PPP2R2D: variants seen among roughly 807,000 people sequenced by gnomAD.
PPP2R2D encodes the protein serine/threonine-protein phosphatase 2A 55 kDa regulatory subunit B delta isoform.
In PPP2R2D, 9 loss-of-function variants were observed where a neutral mutation model predicts 31.1. The ratio of observed to expected loss-of-function variants is 0.29; its 90% CI spans 0.17 to 0.51. The LOEUF (loss-of-function observed/expected upper bound fraction) is 0.51. Ranked by LOEUF, PPP2R2D falls within the 20% of genes least tolerant of loss-of-function variation. The probability of loss-of-function intolerance (pLI) is 0.98; values close to 1 mark genes in which losing one functional copy is unlikely to be tolerated. For synonymous variants in PPP2R2D, 179 were observed against 172.6 expected, an observed-to-expected ratio of 1.04 and a Z score of -0.29; for missense variants, 391 against 465.6, an observed-to-expected ratio of 0.84 and a Z score of 1.48.
At chr10:131,916,326 T>G (rs1222339813) in intron 2 of PPP2R2D, among the ~76,000 whole-genome samples, 2 of 117,694 alleles carry the variant, frequency 1.7e-5, no homozygotes, top group South Asian at 5.9e-4. Flanking sequence ...TGGCATAGAT[T>G]GGGATTTTTT....
At chr10:131,926,358 G>A (rs2036105561) in intron 2 of PPP2R2D, among the ~76,000 whole-genome samples, 3 of 152,134 alleles carry the variant, frequency 2.0e-5, no homozygotes, top group Admixed American at 6.5e-5. Context: ...GTGTGTGCGT[G>A]TGCATCTGTG....
At chr10:131,920,846 T>C (rs2035972378) in intron 2 of PPP2R2D, among the ~76,000 whole-genome samples, 1 of 152,138 alleles carries the variant, frequency 6.6e-6, no homozygotes, top group African/African-American at 2.4e-5. Context: ...GGAGAATCAC[T>C]TGAACCCGGG....
chr10:131,956,098 A>G lies in PPP2R2D; in HGVS notation c.*135A>G. 1 of 1,267,114 alleles carries G rather than the reference A, an allele frequency of 7.9e-7. No homozygotes were observed. The highest frequency in any genetic ancestry group is 9.9e-7 in the Non-Finnish European group (1 of 1,007,814). The allele number at this position is 1,267,114 out of a possible 1,614,324, so 78.5% of individuals were successfully genotyped here. ...ACTTCCCTTCACAGACACAGGAGAA[A>G]GCCGCCTCCGCTGGAGGCCCGGTGT... On this transcript the variant is annotated 3_prime_UTR_variant, in exon 9 of 9. Transcript: ENST00000455566.
the PPP2R2D span, chr10:131,969,679 G>C: frequency 6.6e-6 from 1 of 152,338 alleles, no homozygotes; most frequent in East Asian, 1.9e-4. Flanking sequence ...GTGGCATTCC[G>C]GTCTTTCCAG....
intron 2 of PPP2R2D, among the ~76,000 whole-genome samples, chr10:131,932,690 G>A (rs892199651): frequency 8.6e-6 from 1 of 116,012 alleles, no homozygotes; most frequent in Non-Finnish European, 2.0e-5. Context: ...AACCTAACTT[G>A]GTGCCTTTAG....
intron 2 of PPP2R2D, among the ~76,000 whole-genome samples, chr10:131,902,140 C>T (rs1293524137): frequency 4.6e-5 from 7 of 152,176 alleles, no homozygotes; most frequent in Non-Finnish European, 7.4e-5. Flanking sequence ...TCCTTTTTCA[C>T]CGTTGAATGG....
intron 2 of PPP2R2D, among the ~76,000 whole-genome samples, chr10:131,904,090 G>A (rs2035544040): frequency 6.6e-6 from 1 of 151,978 alleles, no homozygotes; most frequent in Admixed American, 6.6e-5. Context: ...TGTAATTCCA[G>A]CTCCTCAGGA....
intron 5 of PPP2R2D, among the ~76,000 whole-genome samples, chr10:131,943,239 G>C (rs1554897443): frequency 6.6e-6 from 1 of 152,044 alleles, no homozygotes; most frequent in African/African-American, 2.4e-5. Context: ...TTCTATTTCT[G>C]TGCGAATTGG....
intron 2 of PPP2R2D, among the ~76,000 whole-genome samples, chr10:131,923,292 A>G (rs975730163): frequency 1.3e-5 from 2 of 152,218 alleles, no homozygotes; most frequent in East Asian, 3.8e-4. Context: ...GTCAAGGCAT[A>G]TCCTGCAGCA....
intron 2 of PPP2R2D, among the ~76,000 whole-genome samples, chr10:131,916,436 G>A (rs893625101): frequency 1.3e-5 from 2 of 152,006 alleles, no homozygotes; most frequent in East Asian, 3.9e-4. Flanking sequence ...GTTGCGTGGT[G>A]GTAAATGCAC....
At position 131,955,599 on chromosome 10, in the gene PPP2R2D, G is replaced by A. The variant is rs1194526775; in HGVS notation, c.1083-85G>A. Reference sequence around the variant, plus strand: ...TGGGTTGTGGGGGAGGGTGGCGTGCGCTGTGCACCCCAGGGGTGGGGTCTG... The same window carrying A: ...TGGGTTGTGGGGGAGGGTGGCGTGCACTGTGCACCCCAGGGGTGGGGTCTG... On this transcript the variant is annotated intron_variant, in intron 8 of 8. Coordinates refer to ENST00000455566, the MANE Select transcript of PPP2R2D (RefSeq NM_018461.5). 5.9e-5 allele frequency: 72 copies of A among 1,225,964 alleles called. No individual in the cohort carries two copies. The Admixed American group carries it at 6.8e-4, about 12-fold the overall frequency. 75.9% of individuals were successfully genotyped at this position (1,225,964 alleles called of 1,614,324 possible).
In PPP2R2D at chr10:131,940,617, G is replaced by A; in HGVS notation, c.400G>A (p.Asp134Asn). The change falls in exon 5 of 9, where the codon GAT becomes AAT. Residue 134 changes from aspartate (D) to asparagine (N), a missense_variant. Asp to Asn is a conservative substitution (Grantham distance 23). Transcript: ENST00000455566. ...TIKLWKISERDKRAEGYNLKD... is the reference protein window; with the variant it reads ...TIKLWKISERNKRAEGYNLKD... ...AAAATTATGGAAAATAAGTGAACGGGATAAAAGAGCAGAAGGTTATAACCT... is the reference window on the plus strand; with the variant it reads ...AAAATTATGGAAAATAAGTGAACGGAATAAAAGAGCAGAAGGTTATAACCT... The A allele has an allele frequency of 1.3e-6, 1 of 776,096 alleles. No individual in the cohort carries two copies. The highest frequency in any genetic ancestry group is 1.4e-5 in the South Asian group (1 of 73,328). The allele number at this position is 776,096 out of a possible 1,614,324, so 48.1% of individuals were successfully genotyped here.
At chr10:131,910,284 C>A (rs2119735681) in intron 2 of PPP2R2D, among the ~76,000 whole-genome samples, 1 of 152,238 alleles carries the variant, frequency 6.6e-6, no homozygotes, top group East Asian at 1.9e-4. Flanking sequence ...AATATTGTTA[C>A]ATGGAGTTGT....
chr10:131,962,322 C>T (rs1250126887), downstream of PPP2R2D, among the ~76,000 whole-genome samples: 1 of 152,286 alleles, frequency 6.6e-6, no homozygotes, highest in South Asian at 2.1e-4. Context: ...CCTAAGAAAG[C>T]TCTCCAGCTC....
At chr10:131,910,947 G>A (rs1217380716) in intron 2 of PPP2R2D, among the ~76,000 whole-genome samples, 2 of 152,238 alleles carry the variant, frequency 1.3e-5, no homozygotes, top group African/African-American at 4.8e-5. Flanking sequence ...CCCACCCAGA[G>A]AGGACACGGG....
downstream of PPP2R2D, among the ~76,000 whole-genome samples, chr10:131,960,487 A>C (rs1420209968): frequency 1.3e-5 from 2 of 152,140 alleles, no homozygotes; most frequent in South Asian, 2.1e-4. Context: ...ACTCAGTCTG[A>C]TTTTGGAGGC....
intron 2 of PPP2R2D, among the ~76,000 whole-genome samples, chr10:131,924,709 G>T (rs1589938056): frequency 6.8e-6 from 1 of 147,024 alleles, no homozygotes; most frequent in African/African-American, 2.5e-5. Context: ...AAAAAAAAAA[G>T]GCAGCTGGGA....
At chr10:131,964,544 G>A (rs2036956188), downstream of PPP2R2D, among the ~76,000 whole-genome samples, 2 of 152,032 alleles carry the variant, frequency 1.3e-5, no homozygotes. Context: ...AGCCTTCCTT[G>A]TGACTGTCCA....
intron 2 of PPP2R2D, among the ~76,000 whole-genome samples, chr10:131,915,686 G>A (rs1177902910): frequency 5.9e-5 from 9 of 152,192 alleles, no homozygotes; most frequent in South Asian, 4.1e-4. Flanking sequence ...CAGCTCTGCC[G>A]TGGCCGCGCT....
Sources: allele counts gnomAD v4.1 joint callset (sites outside exome capture counted in the v4.1 genomes callset), GRCh38; gene constraint gnomAD v4.1.1; transcripts MANE v1.5; gene names NCBI Gene and HGNC (gene_info 2026-07-23, HGNC 2026-07-21).